The following MECOM variants were observed in gnomAD, a reference collection of about 807,000 sequenced individuals.
The protein encoded by MECOM is MDS1 and EVI1 complex locus.
MECOM carries 13 observed loss-of-function variants against 116.3 expected under a neutral mutation model. That is an observed-to-expected ratio of 0.11 (90% CI 0.07 to 0.18). MECOM has a LOEUF of 0.18. Ranked by LOEUF, MECOM falls within the 10% of genes least tolerant of loss-of-function variation. MECOM has a pLI of 1.00. For missense variants in MECOM, 1,299 were observed against 1,509.0 expected (o/e 0.86, Z 2.31); for synonymous variants, 528 against 535.2 (o/e 0.99, Z 0.19).
chr3:169,236,899 C>G (rs1754134539), intron 2 of MECOM, among the ~76,000 whole-genome samples: 1 of 152,206 alleles, frequency 6.6e-6, no homozygotes, highest in Admixed American at 6.5e-5. Flanking sequence ...GAGTCTGTCA[C>G]TTGACTTTTG....
At chr3:169,268,035 A>C (rs1213969348) in intron 2 of MECOM, among the ~76,000 whole-genome samples, 1 of 152,178 alleles carries the variant, frequency 6.6e-6, no homozygotes, top group Non-Finnish European at 1.5e-5. Context: ...TACGTTATTC[A>C]CAAGAAGCAA....
chr3:169,208,462 G>A (rs916106744), intron 2 of MECOM, among the ~76,000 whole-genome samples: 3 of 151,762 alleles, frequency 2.0e-5, no homozygotes, highest in African/African-American at 7.3e-5. Flanking sequence ...AAGCAGTCAA[G>A]TTACTAGTAA....
intron 1 of MECOM, among the ~76,000 whole-genome samples, chr3:169,408,451 C>A (rs1737042336): frequency 1.3e-5 from 2 of 152,162 alleles, no homozygotes; most frequent in African/African-American, 4.8e-5. Context: ...ATTTCTCATA[C>A]CACAGGGACC....
intron 1 of MECOM, among the ~76,000 whole-genome samples, chr3:169,649,894 T>A (rs1006830267): frequency 2.6e-5 from 4 of 152,268 alleles, no homozygotes; most frequent in African/African-American, 9.6e-5. Flanking sequence ...GTTTGCAATC[T>A]GATATAATCC....
chr3:169,594,152 C>CAA (rs1302865186), intron 1 of MECOM, among the ~76,000 whole-genome samples: 14 of 57,284 alleles, frequency 2.4e-4, no homozygotes, highest in African/African-American at 1.9e-3. Flanking sequence ...CCACCACCAC[C>CAA]ACAAAAAAAA....
At chr3:169,229,402 G>A (rs1360273433) in intron 2 of MECOM, among the ~76,000 whole-genome samples, 1 of 152,136 alleles carries the variant, frequency 6.6e-6, no homozygotes, top group Non-Finnish European at 1.5e-5. Flanking sequence ...ATATTCTCTG[G>A]TCAGTCATGA....
At chr3:169,227,330 C>T (rs911567935) in intron 2 of MECOM, among the ~76,000 whole-genome samples, 12 of 152,184 alleles carry the variant, frequency 7.9e-5, no homozygotes, top group African/African-American at 2.7e-4. Context: ...AGCAGGTACA[C>T]ATATAAATAA....
At chr3:169,234,037 T>C (rs1028180133) in intron 2 of MECOM, among the ~76,000 whole-genome samples, 1 of 152,196 alleles carries the variant, frequency 6.6e-6, no homozygotes, top group African/African-American at 2.4e-5. Flanking sequence ...GACAGCTGTA[T>C]AACTTTTAAA....
At chr3:169,149,304 G>A (rs928269491) in intron 2 of MECOM, among the ~76,000 whole-genome samples, 5 of 152,074 alleles carry the variant, frequency 3.3e-5, no homozygotes, top group African/African-American at 9.7e-5. Context: ...TTACAAAACT[G>A]CTTTCAAAAC....
At chr3:169,459,183 T>C (rs1747015041) in intron 1 of MECOM, among the ~76,000 whole-genome samples, 1 of 152,246 alleles carries the variant, frequency 6.6e-6, no homozygotes, top group African/African-American at 2.4e-5. Flanking sequence ...GCTGATCTGA[T>C]GTTATAGTTG....
intron 2 of MECOM, among the ~76,000 whole-genome samples, chr3:169,206,937 T>A (rs75796520): frequency 1.3e-5 from 2 of 152,180 alleles, no homozygotes; most frequent in East Asian, 3.9e-4. Context: ...AATGAAAACA[T>A]TAAACAGATT....
At chr3:169,404,173 A>C (rs1736300026) in intron 1 of MECOM, among the ~76,000 whole-genome samples, 1 of 152,172 alleles carries the variant, frequency 6.6e-6, no homozygotes, top group Non-Finnish European at 1.5e-5. Context: ...ATTTTTTTAA[A>C]TAGCTAAGAG....
chr3:169,116,490 T>C lies in MECOM; in HGVS notation c.1382A>G (p.His461Arg). The C allele has an allele frequency of 6.2e-7, 1 of 1,614,200 alleles. No individual in the cohort carries two copies. The highest frequency in any genetic ancestry group is 8.5e-7 in the Non-Finnish European group (1 of 1,180,024). Residue 461 changes from histidine to arginine, a missense_variant, in exon 8 of 17, where the codon CAT becomes CGT. By Grantham distance (29) the His-to-Arg change is conservative. Around this residue, in one of 6 missense-constraint regions of MECOM, gnomAD observed 238 missense variants for 273.1 expected, o/e 0.87. Transcript: ENST00000651503. Reference protein sequence around the residue: ...MDKTSMVNMSHANPGLADYFG... With the variant: ...MDKTSMVNMSRANPGLADYFG... ...ATAGTCAGCAAGGCCCGGGTTGGCA[T>C]GACTCATATTAACCATGGACGTTTT...
chr3:169,138,134 C>G (rs977218337), intron 3 of MECOM, among the ~76,000 whole-genome samples: 1 of 152,084 alleles, frequency 6.6e-6, no homozygotes, highest in East Asian at 1.9e-4. Context: ...TCCTTCATGG[C>G]TTGTAAAGCA....
chr3:169,528,262 G>A (rs935989826), intron 1 of MECOM, among the ~76,000 whole-genome samples: 17 of 152,114 alleles, frequency 1.1e-4, no homozygotes, highest in Non-Finnish European at 1.6e-4. Context: ...AGAGGACATC[G>A]GGATACAATA....
At chr3:169,489,232 A>T (rs186288621) in intron 1 of MECOM, among the ~76,000 whole-genome samples, 91 of 152,328 alleles carry the variant, frequency 6.0e-4, no homozygotes, top group African/African-American at 1.8e-3. Flanking sequence ...TATGTAGCTG[A>T]TCTCCAAAAT....
In MECOM at chr3:169,197,373, G is replaced by A. The variant is rs146160447; in HGVS notation, c.376-53541C>T. Among the ~76,000 whole-genome samples, 454 of 151,792 alleles carry A rather than the reference G, an allele frequency of 3.0e-3. 4 individuals carry two copies. The highest frequency in any genetic ancestry group is 0.011 in the African/African-American group (436 of 41,472). ...TAAAATAAAATAAAATAAAACAAGTGCAGTGTGTGCGGACTATGATAAATG... is the reference window on the plus strand; with the variant it reads ...TAAAATAAAATAAAATAAAACAAGTACAGTGTGTGCGGACTATGATAAATG... On this transcript the variant is annotated intron_variant, in intron 2 of 16. Coordinates refer to ENST00000651503, the MANE Select transcript of MECOM (RefSeq NM_004991.4).
chr3:169,621,805 T>C (rs1301200007), intron 1 of MECOM, among the ~76,000 whole-genome samples: 2 of 152,192 alleles, frequency 1.3e-5, no homozygotes, highest in African/African-American at 2.4e-5. Flanking sequence ...GAGTTGTTTT[T>C]GTAACCTCCT....
chr3:169,535,677 T>C (rs549987818), intron 1 of MECOM, among the ~76,000 whole-genome samples: 262 of 152,344 alleles, frequency 1.7e-3, no homozygotes, highest in Middle Eastern at 3.4e-3. Context: ...ATTTATAGCC[T>C]ATCCCATCTG....
Sources: allele counts gnomAD v4.1 joint callset (sites outside exome capture counted in the v4.1 genomes callset), GRCh38; gene constraint gnomAD v4.1.1; regional missense constraint gnomAD v4.1.1; transcripts MANE v1.5; gene names NCBI Gene and HGNC (gene_info 2026-07-23, HGNC 2026-07-21).